SLC6A2: variants seen among roughly 807,000 people sequenced by gnomAD.
The protein encoded by SLC6A2 is sodium-dependent noradrenaline transporter.
Under a neutral mutation model 71.7 loss-of-function variants are expected in SLC6A2, and 26 were observed. That is an observed-to-expected ratio of 0.36 (90% CI 0.27 to 0.50). SLC6A2 has a LOEUF of 0.50. Ranked by LOEUF, SLC6A2 falls within the 20% of genes least tolerant of loss-of-function variation. The pLI is 0.96. For synonymous variants in SLC6A2, 363 were observed against 337.9 expected (o/e 1.07, Z -0.82); for missense variants, 581 against 803.9 (o/e 0.72, Z 3.35).
chr16:55,661,477 G>A (rs1458409737), intron 2 of SLC6A2, among the ~76,000 whole-genome samples: 1 of 152,190 alleles, frequency 6.6e-6, no homozygotes, highest in Non-Finnish European at 1.5e-5. Context: ...TTGAAATGAT[G>A]TCACATAATA....
intron 13 of SLC6A2, among the ~76,000 whole-genome samples, chr16:55,700,874 C>T (rs754213941): frequency 5.0e-4 from 72 of 143,874 alleles, no homozygotes; most frequent in African/African-American, 1.8e-3. Flanking sequence ...TGTATATATA[C>T]ACACACACAC....
chr16:55,684,608 A>C (rs41153), intron 4 of SLC6A2, among the ~76,000 whole-genome samples: 144,742 of 152,240 alleles, frequency 0.95, 68,920 homozygotes, highest in Non-Finnish European at 0.98. Context: ...ACCTTTTGGG[A>C]AGGATCATTT....
intron 4 of SLC6A2, among the ~76,000 whole-genome samples, chr16:55,681,134 C>T (rs1211188744): frequency 3.9e-5 from 6 of 152,210 alleles, no homozygotes; most frequent in African/African-American, 1.2e-4. Flanking sequence ...TTGCTGACAC[C>T]TGCTGCTCCT....
In SLC6A2 at chr16:55,700,502, C is replaced by T. The variant is rs185422723; in HGVS notation, c.1758+196C>T. Among the ~76,000 whole-genome samples the T allele has an allele frequency of 1.3e-3, 200 of 152,278 alleles. 2 individuals are homozygous for T. In the South Asian group the frequency reaches 0.013, roughly 10 times the overall value. ...CATCTGTATATTGAGGATAATATTACGTACCCCAAAACAAAAAAGAAGTAC... is the reference window on the plus strand; with the variant it reads ...CATCTGTATATTGAGGATAATATTATGTACCCCAAAACAAAAAAGAAGTAC... On this transcript the variant is annotated intron_variant, in intron 13 of 14. Coordinates refer to ENST00000568943, the MANE Select transcript of SLC6A2 (RefSeq NM_001172501.3).
At chr16:55,691,233 GAGAGAGAGAGAGAGA>G (rs1567451227) in intron 5 of SLC6A2, among the ~76,000 whole-genome samples, 165 of 3,570 alleles carry the variant, frequency 0.046, 1 homozygote, top group African/African-American at 0.059. Context: ...GAGAGGGGGA[GAGAGAGAGAGAGAGA>G]GAGAGAGAGA....
In SLC6A2 at chr16:55,656,884, G is replaced by A; in HGVS notation, c.190G>A (p.Asp64Asn). ...CCGGGAGACCTGGGGCAAGAAGATC[G>A]ACTTCCTGCTGTCCGTAGTCGGCTT... ...QPRETWGKKIDFLLSVVGFAV... is the reference protein window; with the variant it reads ...QPRETWGKKINFLLSVVGFAV... Residue 64 changes from aspartate to asparagine, a missense_variant, in exon 2 of 15, where the codon GAC (aspartate) becomes AAC (asparagine). Asp to Asn is a conservative substitution (Grantham distance 23). Coordinates refer to ENST00000568943, the MANE Select transcript of SLC6A2 (RefSeq NM_001172501.3). The surrounding 1 kb of genome is among the most constrained non-coding windows in gnomAD (Gnocchi z 4.5). 6.2e-7 allele frequency: 1 copy of A among 1,614,010 alleles called. No individual in the cohort carries two copies. Among genetic ancestry groups the A allele is most frequent in the East Asian group, 2.2e-5 (1 of 44,840 alleles).
chr16:55,662,213 A>G (rs1964628962), intron 2 of SLC6A2, among the ~76,000 whole-genome samples: 1 of 152,336 alleles, frequency 6.6e-6, no homozygotes, highest in South Asian at 2.1e-4. Flanking sequence ...TTTAATAGGG[A>G]TAAATGTTAT....
rs996392366 is a variant in SLC6A2 at position 55,661,152 on chromosome 16, C to G, written c.274+4184C>G. Among the ~76,000 whole-genome samples, 11 of 152,298 alleles carry G rather than the reference C, an allele frequency of 7.2e-5. No individual in the cohort carries two copies. The South Asian group carries it at 2.3e-3, about 32-fold the overall frequency. ...CCTGTGATCCTGGTCTGTGCTGATCCCTGGGGAAGAGCAGGAAGATTGACT... is the reference window on the plus strand; with the variant it reads ...CCTGTGATCCTGGTCTGTGCTGATCGCTGGGGAAGAGCAGGAAGATTGACT... On this transcript the variant is annotated intron_variant, in intron 2 of 14. Transcript: ENST00000568943.
At position 55,685,205 on chromosome 16, in the gene SLC6A2, A is replaced by G. The variant is rs771631610; in HGVS notation, c.707A>G (p.Gln236Arg). The G allele has an allele frequency of 1.5e-5, 25 of 1,613,906 alleles. No individual in the cohort carries two copies. The East Asian group carries it at 4.5e-4, about 29-fold the overall frequency. ...CATGACATCGGCCTGCCCCAGTGGC[A>G]GCTCTTGCTCTGTCTGATGGTCGTC... ...GIHDIGLPQWQLLLCLMVVVI... is the reference protein window; with the variant it reads ...GIHDIGLPQWRLLLCLMVVVI... Residue 236 changes from glutamine to arginine, a missense_variant, in exon 5 of 15, where the codon CAG (glutamine) becomes CGG (arginine). Coordinates refer to ENST00000568943, the MANE Select transcript of SLC6A2 (RefSeq NM_001172501.3).
In SLC6A2 at chr16:55,685,142, G is replaced by A; in HGVS notation, c.645-1G>A. The A allele has an allele frequency of 6.2e-7, 1 of 1,614,126 alleles. No homozygotes were observed. Among genetic ancestry groups the A allele is most frequent in the African/African-American group, 1.3e-5 (1 of 75,056 alleles). On this transcript the variant is annotated splice_acceptor_variant, in intron 4 of 14. Transcript: ENST00000568943. LOFTEE classifies it high-confidence loss of function. ...GGTCCCCTCCCCTCTCCTCTGGGCAGGCGTGGTGTCCTGCACCTTCACGAG... is the reference window on the plus strand; with the variant it reads ...GGTCCCCTCCCCTCTCCTCTGGGCAAGCGTGGTGTCCTGCACCTTCACGAG...
chr16:55,676,333 G>A (rs1296676435), intron 4 of SLC6A2, among the ~76,000 whole-genome samples: 2 of 152,088 alleles, frequency 1.3e-5, no homozygotes, highest in Non-Finnish European at 2.9e-5. Context: ...TTCCTCCTAT[G>A]TATTATTTTG....
rs539116683 is a variant in SLC6A2, at chr16:55,701,874, T to C, written c.1770T>C (p.Tyr590=). ...TCTCTTCCTTTCAGAGACTGGCCTATGGCATCACGCCAGAGAACGAGCACC... is the reference window on the plus strand; with the variant it reads ...TCTCTTCCTTTCAGAGACTGGCCTACGGCATCACGCCAGAGAACGAGCACC... The part of the protein sequence containing the change: ...TQGSLWERLA[Y]GITPENEHHL... The change falls in exon 14 of 15, where the codon TAT becomes TAC. Residue 590 remains tyrosine, a synonymous_variant. Coordinates refer to ENST00000568943, the MANE Select transcript of SLC6A2 (RefSeq NM_001172501.3). 1 of 1,613,920 alleles carries C rather than the reference T, an allele frequency of 6.2e-7. No homozygotes were observed. Among genetic ancestry groups the C allele is most frequent in the East Asian group, 2.2e-5 (1 of 44,876 alleles).
intron 3 of SLC6A2, among the ~76,000 whole-genome samples, chr16:55,670,412 T>C (rs1448867378): frequency 6.6e-6 from 1 of 152,192 alleles, no homozygotes; most frequent in Non-Finnish European, 1.5e-5. Context: ...GTGCATTCGT[T>C]ACTTTTTTTG....
At position 55,702,018 on chromosome 16, in the gene SLC6A2, A is replaced by G; in HGVS notation, c.1830+84A>G. On this transcript the variant is annotated intron_variant, in intron 14 of 14. Coordinates refer to ENST00000568943, the MANE Select transcript of SLC6A2 (RefSeq NM_001172501.3). ...TGCTGTGCACTGCCCAAGGCTAGAC[A>G]TCACATCCAGAAAACCCAGAAACCC... 3.7e-6 allele frequency: 4 copies of G among 1,093,612 alleles called. No homozygotes were observed. In the South Asian group the frequency reaches 3.8e-5, roughly 10 times the overall value. The allele number at this position is 1,093,612 out of a possible 1,614,324, so 67.7% of individuals were successfully genotyped here.
intron 8 of SLC6A2, 75 bp from the exon 9 acceptor site, chr16:55,696,150 C>CTATCATGTG: frequency 1.1e-6 from 1 of 906,378 alleles, no homozygotes; most frequent in Non-Finnish European, 1.9e-6. Context: ...AATTGGGCCC[C>CTATCATGTG]CAGATACTCC....
At chr16:55,685,025 A>G in intron 4 of SLC6A2, 118 bp from the exon 5 acceptor site, 1 of 977,802 alleles carries the variant, frequency 1.0e-6, no homozygotes, top group Non-Finnish European at 1.6e-6. Context: ...GAGTTAGGGG[A>G]GAGTGGCCAG....
chr16:55,658,968 C>A (rs1376770820), intron 2 of SLC6A2, among the ~76,000 whole-genome samples: 5 of 152,206 alleles, frequency 3.3e-5, no homozygotes. Context: ...AATGCAGATT[C>A]TCTGTATCTT....
chr16:55,682,115 C>T (rs577838949), intron 4 of SLC6A2, among the ~76,000 whole-genome samples: 132 of 152,278 alleles, frequency 8.7e-4, no homozygotes, highest in Admixed American at 2.7e-3. Flanking sequence ...CCATGTTGAC[C>T]AGGCCGGTCT....
At chr16:55,663,114 C>T (rs922734700) in intron 2 of SLC6A2, among the ~76,000 whole-genome samples, 1 of 152,154 alleles carries the variant, frequency 6.6e-6, no homozygotes, top group Non-Finnish European at 1.5e-5. Flanking sequence ...CCCCCCACCC[C>T]TTGCTTGGGT....
Sources: gnomAD v4.1 joint callset for allele counts (sites outside exome capture counted in the v4.1 genomes callset) on GRCh38, gnomAD v4.1.1 for gene constraint, Gnocchi (gnomAD v3.1) non-coding constraint, MANE v1.5 for transcripts, NCBI Gene and HGNC (gene_info 2026-07-23, HGNC 2026-07-21) for gene names.